Variants in ZMYND8 observed in about 807,000 individuals in gnomAD.
ZMYND8 encodes zinc finger MYND-type containing 8.
In ZMYND8, 37 loss-of-function variants were observed where a neutral mutation model predicts 140.8. The ratio of observed to expected loss-of-function variants is 0.26; its 90% CI spans 0.20 to 0.35. The LOEUF (loss-of-function observed/expected upper bound fraction) is 0.35, where lower values mean the gene tolerates loss of function less well. ZMYND8 is among the 10% of genes least tolerant of loss of function. ZMYND8 has a pLI of 1.00. For missense variants in ZMYND8, 1,068 were observed against 1,570.0 expected, an observed-to-expected ratio of 0.68 and a Z score of 5.40; for synonymous variants, 592 against 597.1, an observed-to-expected ratio of 0.99 and a Z score of 0.12.
chr20:47,344,961 T>G (rs934728337), intron 2 of ZMYND8, among the ~76,000 whole-genome samples: 3 of 151,772 alleles, frequency 2.0e-5, no homozygotes, highest in Non-Finnish European at 2.9e-5. Flanking sequence ...AAAAAAAAAT[T>G]TTTTTAATTA....
At chr20:47,307,632 A>G (rs2078596042) in intron 3 of ZMYND8, among the ~76,000 whole-genome samples, 1 of 152,150 alleles carries the variant, frequency 6.6e-6, no homozygotes, top group Non-Finnish European at 1.5e-5. Flanking sequence ...GTTCAAGACC[A>G]GCCTGGCCAG....
chr20:47,256,964 T>C (rs928121509), intron 12 of ZMYND8, among the ~76,000 whole-genome samples: 1 of 151,984 alleles, frequency 6.6e-6, no homozygotes, highest in African/African-American at 2.4e-5. Context: ...ACACCCTCTG[T>C]GAAATAAGAG....
intron 2 of ZMYND8, among the ~76,000 whole-genome samples, chr20:47,313,575 T>TCG (rs1366828053): frequency 6.6e-6 from 1 of 151,420 alleles, no homozygotes; most frequent in East Asian, 1.9e-4. Flanking sequence ...TGAGCCAAGA[T>TCG]CGCACCACTG....
chr20:47,337,600 T>C (rs2081485727), intron 2 of ZMYND8, among the ~76,000 whole-genome samples: 1 of 152,086 alleles, frequency 6.6e-6, no homozygotes, highest in Non-Finnish European at 1.5e-5. Context: ...AACTGTAAAA[T>C]GGGAATGACA....
chr20:47,324,710 T>G lies in ZMYND8; in HGVS notation c.86-14506A>C, dbSNP rs117818278. Among the ~76,000 whole-genome samples the G allele has an allele frequency of 6.2e-3, 948 of 152,040 alleles. 8 individuals are homozygous for G. Among genetic ancestry groups the G allele is most frequent in the Non-Finnish European group, 9.1e-3 (619 of 67,986 alleles). On this transcript the variant is annotated intron_variant, in intron 2 of 22. Transcript: ENST00000471951. The stretch of plus-strand genomic sequence containing the variant: ...CCTCCTTTCAGCTCCTTAGACAAGC[T>G]CCTTCGCATGCGGCTGGCCCCTTCA...
intron 8 of ZMYND8, among the ~76,000 whole-genome samples, chr20:47,284,016 G>A (rs1001069725): frequency 6.6e-6 from 1 of 152,078 alleles, no homozygotes; most frequent in East Asian, 1.9e-4. Context: ...TTCGCTTCCT[G>A]CGTTCAAGCA....
At chr20:47,259,743 G>A (rs543941495) in intron 12 of ZMYND8, among the ~76,000 whole-genome samples, 6 of 152,152 alleles carry the variant, frequency 3.9e-5, no homozygotes, top group Non-Finnish European at 8.8e-5. Flanking sequence ...ACCTCAGTAA[G>A]CCAATGGGGC....
intron 12 of ZMYND8, among the ~76,000 whole-genome samples, chr20:47,251,740 C>A (rs138039785): frequency 0.016 from 2,380 of 152,086 alleles, 24 homozygotes; most frequent in Non-Finnish European, 0.021. Flanking sequence ...GGGAGGAGCG[C>A]CTCTGCCCAG....
intron 13 of ZMYND8, among the ~76,000 whole-genome samples, chr20:47,247,436 G>C (rs1367219303): frequency 6.6e-6 from 1 of 152,246 alleles, no homozygotes; most frequent in African/African-American, 2.4e-5. Flanking sequence ...CAAGAGAGAA[G>C]TCACATACTT....
intron 17 of ZMYND8, 48 bp downstream of exon 17, chr20:47,229,678 C>G: frequency 6.3e-7 from 1 of 1,576,586 alleles, no homozygotes; most frequent in Non-Finnish European, 8.7e-7. Flanking sequence ...TTTAAAGCAG[C>G]CCACAAAACA....
chr20:47,340,937 T>A (rs2081823781), intron 2 of ZMYND8, among the ~76,000 whole-genome samples: 1 of 152,128 alleles, frequency 6.6e-6, no homozygotes, highest in Non-Finnish European at 1.5e-5. Flanking sequence ...TGTTTAATTA[T>A]CTTGATCTGG....
At chr20:47,219,370 TA>T (rs1402701802) in intron 21 of ZMYND8, among the ~76,000 whole-genome samples, 2 of 151,596 alleles carry the variant, frequency 1.3e-5, no homozygotes, top group South Asian at 2.1e-4. Context: ...AAAATTTTTT[TA>T]AAAAATTAGC....
rs2034963275 is a variant in ZMYND8, at chr20:47,209,293, A to C, written c.*1468T>G. 1 of 152,192 alleles carries C rather than the reference A, an allele frequency of 6.6e-6. No homozygotes were observed. The highest frequency in any genetic ancestry group is 1.5e-5 in the Non-Finnish European group (1 of 68,038). The allele number at this position is 152,192 out of a possible 1,614,324, so 9.4% of individuals were successfully genotyped here. ...GGGGGGTGGGGGAAGGAACGGGCAA[A>C]CCCAAAAAAGCATATAGTGTGAGTC... On this transcript the variant is annotated 3_prime_UTR_variant, in exon 23 of 23. Coordinates refer to ENST00000471951, the MANE Select transcript of ZMYND8 (RefSeq NM_001281775.3).
intron 14 of ZMYND8, among the ~76,000 whole-genome samples, chr20:47,244,876 G>T (rs984323608): frequency 6.6e-6 from 1 of 152,180 alleles, no homozygotes; most frequent in African/African-American, 2.4e-5. Flanking sequence ...GGCCAACATG[G>T]TGAAACCCTG....
chr20:47,217,648 A>G (rs2036318920), intron 21 of ZMYND8, among the ~76,000 whole-genome samples: 1 of 151,028 alleles, frequency 6.6e-6, no homozygotes, highest in Non-Finnish European at 1.5e-5. Context: ...ATAATTACTC[A>G]TTGAGTTACC....
intron 21 of ZMYND8, among the ~76,000 whole-genome samples, chr20:47,217,316 T>C (rs2036271643): frequency 6.6e-6 from 1 of 152,222 alleles, no homozygotes; most frequent in Admixed American, 6.5e-5. Context: ...CACCTAAGTA[T>C]ACCTGACATA....
chr20:47,352,362 A>G, intron 1 of ZMYND8: 1 of 791,258 alleles, frequency 1.3e-6, no homozygotes, highest in Non-Finnish European at 1.5e-6. Flanking sequence ...ACAGCCACCA[A>G]ATACCCAGCC....
At chr20:47,293,148 AAGGGAGGG>A (rs768627350) in intron 5 of ZMYND8, among the ~76,000 whole-genome samples, 1 of 83,322 alleles carries the variant, frequency 1.2e-5, no homozygotes, top group East Asian at 4.7e-4. Flanking sequence ...GGAAGGAAGG[AAGGGAGGG>A]AGGGAGGGAG....
At chr20:47,256,816 TAACAGTGGAGA>T (rs1381188751) in intron 12 of ZMYND8, among the ~76,000 whole-genome samples, 11 of 152,070 alleles carry the variant, frequency 7.2e-5, no homozygotes, top group African/African-American at 2.4e-4. Context: ...CTCCTGTCAT[TAACAGTGGAGA>T]AATAAACAGA....
Sources: allele counts gnomAD v4.1 joint callset (sites outside exome capture counted in the v4.1 genomes callset), GRCh38; gene constraint gnomAD v4.1.1; transcripts MANE v1.5; gene names NCBI Gene and HGNC (gene_info 2026-07-23, HGNC 2026-07-21).